DGKB: variants seen among roughly 807,000 people sequenced by gnomAD.
The protein encoded by DGKB is diacylglycerol kinase beta.
A neutral mutation model predicts 114.3 loss-of-function variants in DGKB; 67 were observed. The ratio of observed to expected loss-of-function variants is 0.59; its 90% CI spans 0.48 to 0.72. DGKB has a LOEUF of 0.72. DGKB is among the 30% of genes least tolerant of loss of function. DGKB has a pLI of 0.00. For missense variants in DGKB, 907 were observed against 975.2 expected (o/e 0.93, Z 0.93); for synonymous variants, 398 against 323.1 (o/e 1.23, Z -2.49).
intron 21 of DGKB, among the ~76,000 whole-genome samples, chr7:14,457,599 T>A (rs571685004): frequency 4.6e-5 from 7 of 152,242 alleles, no homozygotes; most frequent in Admixed American, 6.5e-5. Context: ...TAATTTCCAA[T>A]GCTGCAATTA....
chr7:14,288,219 G>GTTT (rs57856236), intron 23 of DGKB, among the ~76,000 whole-genome samples: 5 of 106,246 alleles, frequency 4.7e-5, no homozygotes, highest in African/African-American at 7.1e-5. Flanking sequence ...TTGATAATCT[G>GTTT]TTTTTTTTTT....
chr7:14,607,366 G>C lies in DGKB; in HGVS notation c.1433+68C>G. 1.0e-5 allele frequency: 8 copies of C among 801,880 alleles called. No homozygotes were observed. In the South Asian group the frequency reaches 1.2e-4, roughly 12 times the overall value. 49.7% of individuals were successfully genotyped at this position (801,880 alleles called of 1,614,324 possible). On this transcript the variant is annotated intron_variant, in intron 17 of 25. Coordinates refer to ENST00000402815, the MANE Select transcript of DGKB (RefSeq NM_001350709.2). ...TTCAAATAACATTATTTCTACATAT[G>C]TCAGGCAGCTTATTTAATTAATTAA...
At chr7:14,894,176 TA>T (rs1242385397) in intron 1 of DGKB, among the ~76,000 whole-genome samples, 6 of 151,548 alleles carry the variant, frequency 4.0e-5, no homozygotes, top group Middle Eastern at 3.4e-3. Context: ...TGAAGGACTA[TA>T]AGAAGTTCCT....
intron 2 of DGKB, among the ~76,000 whole-genome samples, chr7:14,776,439 A>G (rs937854989): frequency 3.3e-5 from 5 of 152,162 alleles, no homozygotes; most frequent in Non-Finnish European, 5.9e-5. Context: ...CCTTGGAGGA[A>G]AAAATGGTTT....
intron 17 of DGKB, among the ~76,000 whole-genome samples, chr7:14,583,943 A>G (rs1042135003): frequency 1.3e-5 from 2 of 152,220 alleles, no homozygotes; most frequent in South Asian, 2.1e-4. Flanking sequence ...CCCTTGTCCC[A>G]AACATAACAA....
At chr7:14,897,349 C>T (rs941207861) in intron 1 of DGKB, among the ~76,000 whole-genome samples, 1 of 151,916 alleles carries the variant, frequency 6.6e-6, no homozygotes, top group Non-Finnish European at 1.5e-5. Flanking sequence ...CATCAACCAT[C>T]ACTTTACTCT....
At chr7:14,170,157 GAA>G (rs1194161505) in intron 25 of DGKB, among the ~76,000 whole-genome samples, 6 of 87,296 alleles carry the variant, frequency 6.9e-5, no homozygotes, top group Admixed American at 1.1e-4. Flanking sequence ...AAGAAAGAAA[GAA>G]AGAAAGAAAG....
chr7:14,583,205 A>G (rs897061313), intron 17 of DGKB, 68 bp from the exon 18 acceptor site: 3 of 938,620 alleles, frequency 3.2e-6, no homozygotes, highest in Non-Finnish European at 4.8e-6. Flanking sequence ...GTTTTGTATC[A>G]TTAACATTTT....
chr7:14,636,939 C>T (rs1041163033), intron 13 of DGKB, among the ~76,000 whole-genome samples: 2 of 151,788 alleles, frequency 1.3e-5, no homozygotes, highest in African/African-American at 2.4e-5. Context: ...CTAAGAATAG[C>T]TTCTTTTTAA....
chr7:14,304,420 C>T (rs935139936), intron 23 of DGKB, among the ~76,000 whole-genome samples: 1 of 151,966 alleles, frequency 6.6e-6, no homozygotes, highest in African/African-American at 2.4e-5. Context: ...TGTCATAATA[C>T]ACAACATCCC....
chr7:14,831,599 G>T lies in DGKB; in HGVS notation c.70+9595C>A, dbSNP rs548128841. ...TGTTTCCCAATAAAACTAAAGTAGGGGGACAGAAAAAAAACATGAGGTACA... is the reference window on the plus strand; with the variant it reads ...TGTTTCCCAATAAAACTAAAGTAGGTGGACAGAAAAAAAACATGAGGTACA... On this transcript the variant is annotated intron_variant, in intron 2 of 25. Transcript: ENST00000402815. Among the ~76,000 whole-genome samples the T allele has an allele frequency of 1.2e-4, 18 of 151,980 alleles. No homozygotes were observed. In the South Asian group the frequency reaches 3.5e-3, roughly 30 times the overall value.
At chr7:14,649,670 A>T (rs77920120) in intron 13 of DGKB, among the ~76,000 whole-genome samples, 107,087 of 141,200 alleles carry the variant, frequency 0.76, 40,913 homozygotes, top group Admixed American at 0.82. Context: ...GTAAATGGAC[A>T]AAATGCTCCA....
intron 5 of DGKB, among the ~76,000 whole-genome samples, chr7:14,725,240 C>A (rs1365420863): frequency 1.3e-5 from 2 of 152,086 alleles, no homozygotes; most frequent in Non-Finnish European, 2.9e-5. Context: ...AAATTAACTA[C>A]CTATGTCTAT....
intron 1 of DGKB, among the ~76,000 whole-genome samples, chr7:14,947,266 T>C (rs1247572712): frequency 6.6e-6 from 1 of 151,720 alleles, no homozygotes; most frequent in East Asian, 1.9e-4. Context: ...AAGAAGATTG[T>C]TTTAAGCCAT....
intron 2 of DGKB, among the ~76,000 whole-genome samples, chr7:14,778,576 T>G (rs1838576532): frequency 6.6e-6 from 1 of 152,070 alleles, no homozygotes; most frequent in African/African-American, 2.4e-5. Context: ...AGTTGCTTGA[T>G]TTTTTAGAAG....
In DGKB at chr7:14,890,717, C is replaced by G. The variant is rs542394480; in HGVS notation, c.-188+11875G>C. Among the ~76,000 whole-genome samples the G allele has an allele frequency of 5.9e-5, 9 of 151,330 alleles. No individual in the cohort carries two copies. The East Asian group carries it at 1.4e-3, about 23-fold the overall frequency. ...ACCGGCTAATCACCTATTCTCCTCACGTGTGTGACCTCTTAGACTTCTGTT... is the reference window on the plus strand; with the variant it reads ...ACCGGCTAATCACCTATTCTCCTCAGGTGTGTGACCTCTTAGACTTCTGTT... On this transcript the variant is annotated intron_variant, in intron 1 of 25. Transcript: ENST00000402815.
intron 1 of DGKB, among the ~76,000 whole-genome samples, chr7:14,910,569 T>C (rs1783950359): frequency 6.6e-6 from 1 of 152,108 alleles, no homozygotes; most frequent in Non-Finnish European, 1.5e-5. Context: ...AATAACACCT[T>C]ATTTAACTAT....
intron 17 of DGKB, among the ~76,000 whole-genome samples, chr7:14,605,925 T>A (rs926310045): frequency 6.6e-6 from 1 of 152,132 alleles, no homozygotes; most frequent in African/African-American, 2.4e-5. Flanking sequence ...GAAATCCTCA[T>A]TTTACAGATA....
chr7:14,236,496 G>T (rs997618), intron 23 of DGKB, among the ~76,000 whole-genome samples: 91,885 of 151,578 alleles, frequency 0.61, 29,127 homozygotes, highest in African/African-American at 0.79. Flanking sequence ...TATACATTGA[G>T]AAAAGAACAA....
Sources: allele counts gnomAD v4.1 joint callset (sites outside exome capture counted in the v4.1 genomes callset), GRCh38; gene constraint gnomAD v4.1.1; transcripts MANE v1.5; gene names NCBI Gene and HGNC (gene_info 2026-07-23, HGNC 2026-07-21).